Variants in MALRD1 observed in about 807,000 individuals in gnomAD.
MALRD1 encodes the protein MAM and LDL-receptor class A domain-containing protein 1.
Under a neutral mutation model 242.1 loss-of-function variants are expected in MALRD1, and 247 were observed. The observed-to-expected ratio is 1.02, with a 90% confidence interval of 0.92 to 1.13. The LOEUF (loss-of-function observed/expected upper bound fraction) is 1.13. Ranked by LOEUF, MALRD1 falls within the 50% of genes most tolerant of loss-of-function variation. MALRD1 has a pLI of 0.00. For synonymous variants in MALRD1, 995 were observed against 866.6 expected, an observed-to-expected ratio of 1.15 and a Z score of -2.60; for missense variants, 2,989 against 2,533.1, an observed-to-expected ratio of 1.18 and a Z score of -3.86.
intron 38 of MALRD1, among the ~76,000 whole-genome samples, chr10:19,726,889 C>T (rs753541711): frequency 4.2e-4 from 64 of 152,080 alleles, no homozygotes; most frequent in Non-Finnish European, 6.9e-4. Flanking sequence ...TGAGGTACCT[C>T]GAGTCTCATA....
chr10:19,162,038 A>G (rs1834448953), intron 12 of MALRD1, among the ~76,000 whole-genome samples: 1 of 147,500 alleles, frequency 6.8e-6, no homozygotes. Context: ...AAGAACAACA[A>G]CAACAGCAAC....
At chr10:19,376,635 A>G (rs1293720111) in intron 26 of MALRD1, among the ~76,000 whole-genome samples, 1 of 141,420 alleles carries the variant, frequency 7.1e-6, no homozygotes, top group Non-Finnish European at 1.5e-5. Context: ...GGCTCACTGC[A>G]ACCTCTGCCT....
chr10:19,204,414 G>C lies in MALRD1; in HGVS notation c.2210+1G>C. The C allele has an allele frequency of 6.5e-7, 1 of 1,536,312 alleles. No individual in the cohort carries two copies. Among genetic ancestry groups the C allele is most frequent in the East Asian group, 2.5e-5 (1 of 40,810 alleles). On this transcript the variant is annotated splice_donor_variant, in intron 16 of 39. Transcript: ENST00000454679. LOFTEE classifies it high-confidence loss of function. ...GACCTGGATGCATACTTTCCTTCTG[G>C]TAAATATTAAACAAATATTTAAACA...
In MALRD1 at chr10:19,403,065, T is replaced by C. The variant is rs369926362; in HGVS notation, c.4845+13456T>C. 1.8e-4 allele frequency among the ~76,000 whole-genome samples: 28 copies of C among 152,230 alleles called. No homozygotes were observed. In the East Asian group the frequency reaches 4.6e-3, roughly 25 times the overall value. ...TTAACTATAAACAAGGAGAAAAATA[T>C]GTGAACCTATAATAATAATTTACAA... On this transcript the variant is annotated intron_variant, in intron 28 of 39. Transcript: ENST00000454679.
chr10:19,259,896 C>G (rs1286667604), intron 19 of MALRD1, among the ~76,000 whole-genome samples: 3 of 152,068 alleles, frequency 2.0e-5, no homozygotes, highest in African/African-American at 7.2e-5. Context: ...TCCACATCAC[C>G]TATCACCCTT....
At chr10:19,423,344 C>T (rs190903067) in intron 28 of MALRD1, among the ~76,000 whole-genome samples, 1 of 151,746 alleles carries the variant, frequency 6.6e-6, no homozygotes, top group East Asian at 1.9e-4. Context: ...ATGATTTCTA[C>T]TATTTTTAAG....
rs1842198494 is a variant in MALRD1, at chr10:19,306,344, CATATATA to C, written c.3420-17604_3420-17598del. ...AGTATATATAGTGTCGTATATATAC[CATATATA>C]GTATATATAGTGTCGTATATATACC... On this transcript the variant is annotated intron_variant, in intron 21 of 39. Transcript: ENST00000454679. 9.1e-5 allele frequency among the ~76,000 whole-genome samples: 12 copies of C among 131,664 alleles called. No homozygotes were observed. The South Asian group carries it at 1.1e-3, about 13-fold the overall frequency. The allele number at this position is 131,664 out of a possible 152,430, so 86.4% of individuals were successfully genotyped here.
intron 18 of MALRD1, among the ~76,000 whole-genome samples, chr10:19,223,661 C>T (rs12413188): frequency 0.19 from 28,570 of 151,972 alleles, 2,817 homozygotes; most frequent in African/African-American, 0.25. Flanking sequence ...ACCCGTCATC[C>T]ACATTAAGTA....
rs144523524 is a variant in MALRD1, at chr10:19,510,323, T to C, written c.5320+11677T>C. Among the ~76,000 whole-genome samples the C allele has an allele frequency of 3.0e-3, 463 of 152,260 alleles. 4 individuals are homozygous for C. The highest frequency in any genetic ancestry group is 0.011 in the African/African-American group (437 of 41,560). ...CAAAGAGGCTTTCCTCTTTTACTAA[T>C]CCTCCTCAGCACAGACCCTTTACAG... On this transcript the variant is annotated intron_variant, in intron 31 of 39. Transcript: ENST00000454679.
chr10:19,582,319 T>A (rs1478163457), intron 33 of MALRD1, among the ~76,000 whole-genome samples: 1,738 of 150,444 alleles, frequency 0.012, 21 homozygotes, highest in African/African-American at 0.04. Flanking sequence ...CTGAATGGTA[T>A]TGCCTAGGTT....
At chr10:19,329,423 A>AG (rs397742230) in intron 23 of MALRD1, among the ~76,000 whole-genome samples, 4 of 146,356 alleles carry the variant, frequency 2.7e-5, no homozygotes, top group African/African-American at 1.0e-4. Context: ...CCCCCCCCCA[A>AG]TTTAAACAAA....
At chr10:19,343,406 C>T (rs1843969966) in intron 24 of MALRD1, among the ~76,000 whole-genome samples, 1 of 151,938 alleles carries the variant, frequency 6.6e-6, no homozygotes, top group African/African-American at 2.4e-5. Context: ...CATTTCATTA[C>T]ATGCATAAAT....
At chr10:19,437,151 G>T (rs1834382051) in intron 28 of MALRD1, among the ~76,000 whole-genome samples, 1 of 152,228 alleles carries the variant, frequency 6.6e-6, no homozygotes, top group African/African-American at 2.4e-5. Context: ...AAAGGACAAG[G>T]CCACAATACA....
intron 28 of MALRD1, among the ~76,000 whole-genome samples, chr10:19,417,885 T>C (rs1363931090): frequency 2.6e-5 from 4 of 152,148 alleles, no homozygotes; most frequent in Non-Finnish European, 5.9e-5. Context: ...TATGGTATAG[T>C]GAAACCATCA....
chr10:19,655,998 A>G (rs1841138416), intron 36 of MALRD1, among the ~76,000 whole-genome samples: 1 of 152,292 alleles, frequency 6.6e-6, no homozygotes, highest in South Asian at 2.1e-4. Flanking sequence ...ATATTCTCAT[A>G]TATAAATTGT....
chr10:19,184,172 G>T (rs952877906), intron 14 of MALRD1, among the ~76,000 whole-genome samples: 23 of 152,160 alleles, frequency 1.5e-4, no homozygotes, highest in Admixed American at 1.0e-3. Flanking sequence ...TTAGGCCTGG[G>T]ATCATGTTGC....
chr10:19,066,811 A>G lies in MALRD1; in HGVS notation c.292A>G (p.Met98Val). ...ACCTAGTTGGACAAAGAGAAGTGGGATGATTGGTCTATCACCTCCATTTTA... is the reference window on the plus strand; with the variant it reads ...ACCTAGTTGGACAAAGAGAAGTGGGGTGATTGGTCTATCACCTCCATTTTA... Reference protein sequence around the residue: ...LQPSWTKRSGMIGLSPPFYDH... With the variant: ...LQPSWTKRSGVIGLSPPFYDH... The change falls in exon 2 of 40, where the codon ATG (methionine) becomes GTG (valine). Residue 98 changes from methionine to valine, a missense_variant. By Grantham distance (21) the Met-to-Val change is conservative. Transcript: ENST00000454679. The G allele has an allele frequency of 1.6e-6, 2 of 1,233,728 alleles. No homozygotes were observed. Among genetic ancestry groups the G allele is most frequent in the Non-Finnish European group, 2.0e-6 (2 of 988,066 alleles). The allele number at this position is 1,233,728 out of a possible 1,614,324, so 76.4% of individuals were successfully genotyped here. A position where few individuals can be genotyped will look rare whatever the true frequency, so the allele number is the denominator to read the frequency against.
chr10:19,343,238 C>G (rs1018955600), intron 24 of MALRD1, among the ~76,000 whole-genome samples: 1 of 152,012 alleles, frequency 6.6e-6, no homozygotes, highest in African/African-American at 2.4e-5. Context: ...TATTTTTAGC[C>G]TTCAATTTTG....
At chr10:19,215,728 T>TG (rs1564473159) in intron 18 of MALRD1, among the ~76,000 whole-genome samples, 2 of 115,554 alleles carry the variant, frequency 1.7e-5, no homozygotes, top group African/African-American at 3.0e-5. Flanking sequence ...TAAATTAGTA[T>TG]AAATAATTTA....
Sources: gnomAD v4.1 joint callset for allele counts (sites outside exome capture counted in the v4.1 genomes callset) on GRCh38, gnomAD v4.1.1 for gene constraint, MANE v1.5 for transcripts, NCBI Gene and HGNC (gene_info 2026-07-23, HGNC 2026-07-21) for gene names.